SGCZ: variants seen among roughly 807,000 people sequenced by gnomAD.
SGCZ encodes sarcoglycan zeta, also known as zeta-sarcoglycan.
SGCZ carries 40 observed loss-of-function variants against 41.3 expected under a neutral mutation model. The observed-to-expected ratio is 0.97, with a 90% CI of 0.75 to 1.26. The LOEUF (loss-of-function observed/expected upper bound fraction) is 1.26. SGCZ is among the 50% of genes most tolerant of loss of function. The probability of loss-of-function intolerance (pLI) is 0.00; values close to 1 mark genes in which losing one functional copy is unlikely to be tolerated. For synonymous variants in SGCZ, 206 were observed against 137.5 expected (o/e 1.50, Z -3.49); for missense variants, 552 against 369.8 (o/e 1.49, Z -4.04).
intron 1 of SGCZ, among the ~76,000 whole-genome samples, chr8:14,618,700 A>G (rs1187708988): frequency 1.3e-5 from 2 of 152,168 alleles, no homozygotes; most frequent in East Asian, 3.9e-4. Flanking sequence ...AATAAATAAG[A>G]GTCTGTTAAA....
At chr8:14,202,960 G>C (rs1805502817) in intron 4 of SGCZ, among the ~76,000 whole-genome samples, 1 of 152,178 alleles carries the variant, frequency 6.6e-6, no homozygotes, top group African/African-American at 2.4e-5. Context: ...TCTTTCCTGT[G>C]GTGTTCTCGT....
At chr8:14,656,633 C>G (rs1273626738) in intron 1 of SGCZ, among the ~76,000 whole-genome samples, 1 of 147,956 alleles carries the variant, frequency 6.8e-6, no homozygotes, top group Non-Finnish European at 1.5e-5. Flanking sequence ...TCTCTCCTCC[C>G]CTCTCCTTTC....
At chr8:14,392,963 C>G (rs1428227841) in intron 2 of SGCZ, among the ~76,000 whole-genome samples, 1 of 151,772 alleles carries the variant, frequency 6.6e-6, no homozygotes, top group Non-Finnish European at 1.5e-5. Context: ...ACACTTTGTA[C>G]TTAATTAATT....
At chr8:14,439,998 TA>T (rs979337778) in intron 2 of SGCZ, among the ~76,000 whole-genome samples, 53 of 147,276 alleles carry the variant, frequency 3.6e-4, no homozygotes, top group South Asian at 6.4e-4. Context: ...AAATTTTAAC[TA>T]AAAAAAAAAA....
At position 15,002,202 on chromosome 8, in the gene SGCZ, T is replaced by TAAAA. The variant is rs5889559; in HGVS notation, c.39+235379_39+235382dup. 9.1e-3 allele frequency among the ~76,000 whole-genome samples: 1,333 copies of TAAAA among 146,536 alleles called. 15 individuals carry two copies. The highest frequency in any genetic ancestry group is 0.031 in the African/African-American group (1,226 of 40,044). On this transcript the variant is annotated intron_variant, in intron 1 of 7. Transcript: ENST00000382080. ...AATGACTTAAGAATATAGTCAGCTCTAAAAAAAAAAAGCCATCAATAATAA... is the reference window on the plus strand; with the variant it reads ...AATGACTTAAGAATATAGTCAGCTCTAAAAAAAAAAAAAAAGCCATCAATAATAA...
chr8:14,424,490 G>C (rs569668562), intron 2 of SGCZ, among the ~76,000 whole-genome samples: 1 of 152,178 alleles, frequency 6.6e-6, no homozygotes, highest in Middle Eastern at 3.4e-3. Context: ...ATTTTTCTCT[G>C]TGAGTATATT....
intron 1 of SGCZ, among the ~76,000 whole-genome samples, chr8:15,063,027 TTAATA>T (rs1268455151): frequency 3.5e-4 from 54 of 152,252 alleles, no homozygotes; most frequent in African/African-American, 1.3e-3. Flanking sequence ...TTGAAGCCAT[TTAATA>T]TATTTCCCAT....
intron 1 of SGCZ, among the ~76,000 whole-genome samples, chr8:14,636,065 G>A (rs1457606492): frequency 6.6e-6 from 1 of 150,530 alleles, no homozygotes; most frequent in Non-Finnish European, 1.5e-5. Flanking sequence ...ACCTAGTAAA[G>A]GGGCAATTGA....
At chr8:14,300,420 G>A (rs184564796) in intron 3 of SGCZ, among the ~76,000 whole-genome samples, 2 of 151,556 alleles carry the variant, frequency 1.3e-5, no homozygotes, top group African/African-American at 4.8e-5. Flanking sequence ...GGTAAAGAGA[G>A]GTAAATAAAG....
chr8:15,037,367 C>A (rs1239683030), intron 1 of SGCZ, among the ~76,000 whole-genome samples: 1 of 152,190 alleles, frequency 6.6e-6, no homozygotes, highest in East Asian at 1.9e-4. Flanking sequence ...TCCCCTTCAG[C>A]CAGAATTATA....
At chr8:15,024,632 A>G (rs1287855788) in intron 1 of SGCZ, among the ~76,000 whole-genome samples, 1 of 152,116 alleles carries the variant, frequency 6.6e-6, no homozygotes, top group Non-Finnish European at 1.5e-5. Flanking sequence ...TAGCAGAAGC[A>G]TTAGTAATAA....
intron 2 of SGCZ, among the ~76,000 whole-genome samples, chr8:14,474,276 T>C (rs1801296513): frequency 6.6e-6 from 1 of 152,352 alleles, no homozygotes. Context: ...TACCAAATGA[T>C]ATGCATATGC....
At chr8:14,757,210 A>C (rs1186778266) in intron 1 of SGCZ, among the ~76,000 whole-genome samples, 2 of 152,042 alleles carry the variant, frequency 1.3e-5, no homozygotes, top group African/African-American at 4.8e-5. Context: ...CACCACACCC[A>C]GCTAATGTTT....
chr8:14,993,868 G>C (rs73203322), intron 1 of SGCZ, among the ~76,000 whole-genome samples: 2 of 152,290 alleles, frequency 1.3e-5, no homozygotes, highest in Non-Finnish European at 2.9e-5. Context: ...GAAGCCATCA[G>C]AGAGCACTTT....
At chr8:14,949,823 G>C (rs186570154) in intron 1 of SGCZ, among the ~76,000 whole-genome samples, 9 of 152,130 alleles carry the variant, frequency 5.9e-5, no homozygotes, top group Admixed American at 1.3e-4. Context: ...AGTAATAAAG[G>C]TTTATAGTCA....
intron 1 of SGCZ, among the ~76,000 whole-genome samples, chr8:14,827,164 T>C (rs1802358125): frequency 7.9e-6 from 1 of 127,094 alleles, no homozygotes; most frequent in Non-Finnish European, 1.6e-5. Context: ...AATGGAAGTT[T>C]CAAAAAAAAA....
At chr8:14,240,183 C>T (rs1384219516) in intron 3 of SGCZ, among the ~76,000 whole-genome samples, 1 of 151,464 alleles carries the variant, frequency 6.6e-6, no homozygotes, top group Non-Finnish European at 1.5e-5. Context: ...GAAAAATTAG[C>T]CAGGCATGGT....
intron 1 of SGCZ, among the ~76,000 whole-genome samples, chr8:15,212,935 C>T (rs1432187660): frequency 2.0e-5 from 3 of 151,936 alleles, no homozygotes; most frequent in Admixed American, 1.3e-4. Context: ...AAATGAAAAG[C>T]ATGACAACTC....
At chr8:14,249,319 G>C (rs1191822561) in intron 3 of SGCZ, among the ~76,000 whole-genome samples, 1 of 152,090 alleles carries the variant, frequency 6.6e-6, no homozygotes, top group African/African-American at 2.4e-5. Flanking sequence ...GTTTGGTTTA[G>C]CATGATATCA....
Sources: allele counts gnomAD v4.1 joint callset (sites outside exome capture counted in the v4.1 genomes callset), GRCh38; gene constraint gnomAD v4.1.1; transcripts MANE v1.5; gene names NCBI Gene and HGNC (gene_info 2026-07-23, HGNC 2026-07-21).